Variants in FAM135B observed in about 807,000 individuals in gnomAD.
The protein encoded by FAM135B is family with sequence similarity 135 member B.
FAM135B carries 43 observed loss-of-function variants against 127.7 expected under a neutral mutation model. The observed-to-expected ratio is 0.34, with a 90% CI of 0.26 to 0.43. The LOEUF is 0.43. Among genes scored for constraint, FAM135B ranks in the 20% least tolerant of loss-of-function variants. The probability of loss-of-function intolerance (pLI) is 1.00; values close to 1 mark genes in which losing one functional copy is unlikely to be tolerated. For missense variants in FAM135B, 1,558 were observed against 1,725.6 expected (o/e 0.90, Z 1.72); for synonymous variants, 670 against 665.1 (o/e 1.01, Z -0.11).
At chr8:138,206,380 T>TCATCCCCTCCACCTACACACAACTCCAG (rs1817604474) in intron 7 of FAM135B, among the ~76,000 whole-genome samples, 1 of 129,320 alleles carries the variant, frequency 7.7e-6, no homozygotes, top group African/African-American at 2.9e-5. Context: ...CACAACTCTA[T>TCATCCCCTCCACCTACACACAACTCCAG]CATCCCCTCC....
At chr8:138,326,124 T>C (rs1016514317) in intron 2 of FAM135B, among the ~76,000 whole-genome samples, 2 of 152,156 alleles carry the variant, frequency 1.3e-5, no homozygotes, top group African/African-American at 4.8e-5. Context: ...TCCCTGCATC[T>C]CCCTTTGCTG....
intron 9 of FAM135B, among the ~76,000 whole-genome samples, chr8:138,182,763 T>A (rs1196062450): frequency 6.6e-6 from 1 of 152,216 alleles, no homozygotes; most frequent in Non-Finnish European, 1.5e-5. Context: ...TGCTTTACAT[T>A]CCATGAACAA....
In FAM135B at chr8:138,379,337, C is replaced by G. The variant is rs1487367271; in HGVS notation, c.-19-11335G>C. ...ATCCTACTATAGTAATATCTATCTA[C>G]TTAGTAGTGATTCACTTTTGGGAAG... On this transcript the variant is annotated intron_variant, in intron 1 of 19. Transcript: ENST00000395297. Among the ~76,000 whole-genome samples the G allele has an allele frequency of 2.0e-5, 3 of 151,824 alleles. No homozygotes were observed. In the East Asian group the frequency reaches 5.8e-4, roughly 29 times the overall value.
intron 3 of FAM135B, among the ~76,000 whole-genome samples, chr8:138,271,813 C>T (rs959481127): frequency 2.6e-5 from 4 of 152,038 alleles, no homozygotes; most frequent in African/African-American, 9.7e-5. Context: ...TTGTTAATTG[C>T]AAATTGCTCA....
chr8:138,287,644 A>T (rs545337905), intron 3 of FAM135B, among the ~76,000 whole-genome samples: 1 of 152,114 alleles, frequency 6.6e-6, no homozygotes, highest in Non-Finnish European at 1.5e-5. Context: ...GCTTCCCCCA[A>T]ACAGACCTGA....
At chr8:138,461,642 G>C (rs1465675358) in intron 1 of FAM135B, among the ~76,000 whole-genome samples, 1 of 152,108 alleles carries the variant, frequency 6.6e-6, no homozygotes, top group East Asian at 1.9e-4. Flanking sequence ...ATTTAACCCT[G>C]AACAGAACAC....
chr8:138,222,868 G>C (rs1819141317), intron 7 of FAM135B, among the ~76,000 whole-genome samples: 1 of 152,050 alleles, frequency 6.6e-6, no homozygotes, highest in South Asian at 2.1e-4. Context: ...AGACAGTTCA[G>C]AGTCTTTACC....
intron 7 of FAM135B, among the ~76,000 whole-genome samples, chr8:138,236,211 G>T (rs1041647750): frequency 6.6e-6 from 1 of 152,046 alleles, no homozygotes; most frequent in Non-Finnish European, 1.5e-5. Context: ...AATCAGAAAC[G>T]CACCCTGCTC....
intron 1 of FAM135B, among the ~76,000 whole-genome samples, chr8:138,403,389 A>T (rs1177037573): frequency 2.0e-5 from 3 of 152,128 alleles, no homozygotes; most frequent in African/African-American, 7.2e-5. Flanking sequence ...CATTCATGAT[A>T]TCCAAGTCAA....
intron 1 of FAM135B, among the ~76,000 whole-genome samples, chr8:138,463,940 T>C (rs1204059641): frequency 3.3e-5 from 5 of 152,208 alleles, no homozygotes; most frequent in African/African-American, 9.7e-5. Context: ...ATAGCAAGTA[T>C]GCTGCATTTT....
At chr8:138,182,730 T>C (rs907434739) in intron 9 of FAM135B, among the ~76,000 whole-genome samples, 1 of 152,186 alleles carries the variant, frequency 6.6e-6, no homozygotes, top group African/African-American at 2.4e-5. Flanking sequence ...TCAAGGTGAA[T>C]AGACATTAAG....
intron 8 of FAM135B, 43 bp downstream of exon 8, chr8:138,197,473 C>T (rs2131134840): frequency 6.3e-7 from 1 of 1,592,436 alleles, no homozygotes; most frequent in Non-Finnish European, 8.6e-7. Flanking sequence ...GGAGGAGGCA[C>T]ATGAGCTGCT....
intron 13 of FAM135B, 66 bp from the exon 14 acceptor site, chr8:138,148,752 G>A: frequency 1.5e-6 from 2 of 1,300,190 alleles, no homozygotes; most frequent in Non-Finnish European, 2.1e-6. Flanking sequence ...AAATGAGCTG[G>A]GCTGGTATGT....
At chr8:138,380,995 A>AC (rs1554679796) in intron 1 of FAM135B, among the ~76,000 whole-genome samples, 4 of 151,696 alleles carry the variant, frequency 2.6e-5, no homozygotes, top group African/African-American at 9.7e-5. Flanking sequence ...ACAAAAAAAA[A>AC]CAGAACATTT....
chr8:138,319,093 T>G lies in FAM135B; in HGVS notation c.78-8173A>C, dbSNP rs935384224. Among the ~76,000 whole-genome samples, 452 of 152,080 alleles carry G rather than the reference T, an allele frequency of 3.0e-3. 4 individuals are homozygous for G. Among genetic ancestry groups the G allele is most frequent in the Non-Finnish European group, 3.9e-3 (263 of 67,950 alleles). On this transcript the variant is annotated intron_variant, in intron 2 of 19. Coordinates refer to ENST00000395297, the MANE Select transcript of FAM135B (RefSeq NM_015912.4). ...CAGTAAGTAAATCTACAAGTTTTTT[T>G]TTTTTGTTGTTGTTGTTTGTTTGTT...
At chr8:138,204,979 C>T (rs1252855146) in intron 7 of FAM135B, among the ~76,000 whole-genome samples, 1 of 152,150 alleles carries the variant, frequency 6.6e-6, no homozygotes, top group East Asian at 1.9e-4. Context: ...ATGCTACTAA[C>T]AGTCTAGTGT....
intron 1 of FAM135B, among the ~76,000 whole-genome samples, chr8:138,380,059 A>G (rs1056453863): frequency 6.6e-6 from 1 of 152,194 alleles, no homozygotes; most frequent in Non-Finnish European, 1.5e-5. Context: ...ACGGCAGTGC[A>G]CCGCACCCAA....
At chr8:138,223,397 G>A (rs1220582148) in intron 7 of FAM135B, among the ~76,000 whole-genome samples, 1 of 152,212 alleles carries the variant, frequency 6.6e-6, no homozygotes, top group African/African-American at 2.4e-5. Flanking sequence ...TGAGCAAAAA[G>A]ATATTTGGGT....
intron 1 of FAM135B, among the ~76,000 whole-genome samples, chr8:138,495,686 G>A (rs1351857903): frequency 6.6e-6 from 1 of 152,148 alleles, no homozygotes; most frequent in Admixed American, 6.5e-5. Flanking sequence ...CCTGGTCCCA[G>A]CTGATCTGAG....
Sources: gnomAD v4.1 joint callset for allele counts (sites outside exome capture counted in the v4.1 genomes callset) on GRCh38, gnomAD v4.1.1 for gene constraint, MANE v1.5 for transcripts, NCBI Gene and HGNC (gene_info 2026-07-23, HGNC 2026-07-21) for gene names.